The following USP7 variants were observed in gnomAD, a reference collection of about 807,000 sequenced individuals.
USP7 encodes ubiquitin C-terminal hydrolase 7.
In USP7, 9 loss-of-function variants were observed where a neutral mutation model predicts 162.9. The ratio of observed to expected loss-of-function variants is 0.06; its 90% CI spans 0.03 to 0.10. USP7 has a LOEUF of 0.10. Among genes scored for constraint, USP7 ranks in the 10% least tolerant of loss-of-function variants. The pLI, the probability that USP7 is intolerant of heterozygous loss-of-function variation, is 1.00. For missense variants in USP7, 715 were observed against 1,373.7 expected (o/e 0.52, Z 7.58); for synonymous variants, 562 against 475.9 (o/e 1.18, Z -2.35).
intron 2 of USP7, 80 bp from the exon 3 acceptor site, chr16:8,923,493 GT>G: frequency 7.0e-7 from 1 of 1,436,686 alleles, no homozygotes. Flanking sequence ...GGAGTAAACT[GT>G]TCTATACATC....
chr16:8,927,047 G>C (rs992058448), intron 2 of USP7, among the ~76,000 whole-genome samples: 1 of 152,210 alleles, frequency 6.6e-6, no homozygotes, highest in African/African-American at 2.4e-5. Flanking sequence ...GGGCGCAGTG[G>C]CTCACGCCTG....
chr16:8,954,783 A>AC (rs902180720), intron 1 of USP7, among the ~76,000 whole-genome samples: 3 of 151,058 alleles, frequency 2.0e-5, no homozygotes, highest in Admixed American at 6.6e-5. Flanking sequence ...CCATGGTAAA[A>AC]CCCCCCCTCT....
chr16:8,899,066 G>C (rs1424687258), intron 23 of USP7, 55 bp downstream of exon 23: 12 of 1,553,024 alleles, frequency 7.7e-6, no homozygotes, highest in Admixed American at 1.8e-5. Flanking sequence ...ATGTTTCAAT[G>C]AACTGTGGAA....
chr16:8,949,026 T>C (rs1899428735), intron 1 of USP7, among the ~76,000 whole-genome samples: 1 of 152,156 alleles, frequency 6.6e-6, no homozygotes, highest in Non-Finnish European at 1.5e-5. Context: ...CATAGATTAG[T>C]GGTGACTGCT....
At chr16:8,951,937 G>A (rs192030646) in intron 1 of USP7, among the ~76,000 whole-genome samples, 1 of 152,172 alleles carries the variant, frequency 6.6e-6, no homozygotes, top group Admixed American at 6.5e-5. Flanking sequence ...TTCAGGCAGT[G>A]GGCTACTTTC....
At chr16:8,920,581 C>T (rs1052065149) in intron 4 of USP7, 134 bp from the exon 5 acceptor site, 28 of 711,778 alleles carry the variant, frequency 3.9e-5, no homozygotes, top group Non-Finnish European at 5.6e-5. Flanking sequence ...AACTTTTTTG[C>T]TAATTTTAGA....
At chr16:8,932,543 G>A (rs1542541) in intron 1 of USP7, among the ~76,000 whole-genome samples, 109,008 of 152,104 alleles carry the variant, frequency 0.72, 41,359 homozygotes, top group East Asian at 0.94. Context: ...ACACAGGATG[G>A]AGAGAAGGAA....
chr16:8,958,159 G>A (rs1186375863), intron 1 of USP7, among the ~76,000 whole-genome samples: 1 of 152,192 alleles, frequency 6.6e-6, no homozygotes, highest in Admixed American at 6.5e-5. Flanking sequence ...TGTAGAAGAG[G>A]CACCCCAATG....
chr16:8,930,172 C>T (rs991222891), intron 2 of USP7, 121 bp downstream of exon 2: 2 of 690,300 alleles, frequency 2.9e-6, no homozygotes, highest in African/African-American at 3.7e-5. Context: ...TTACAGCCTC[C>T]TGAAAACTAG....
In USP7 at chr16:8,938,304, G is replaced by C. The variant is rs189313476; in HGVS notation, c.80-7907C>G. Among the ~76,000 whole-genome samples, 377 of 150,482 alleles carry C rather than the reference G, an allele frequency of 2.5e-3. 1 individual carries two copies. The highest frequency in any genetic ancestry group is 9.0e-3 in the African/African-American group (366 of 40,864). ...TTCTTGATTAAACTTTGAGATAACTGTAGATTCACACACAGTCTTAAGAAA... is the reference window on the plus strand; with the variant it reads ...TTCTTGATTAAACTTTGAGATAACTCTAGATTCACACACAGTCTTAAGAAA... On this transcript the variant is annotated intron_variant, in intron 1 of 30. Coordinates refer to ENST00000344836, the MANE Select transcript of USP7 (RefSeq NM_003470.3).
intron 5 of USP7, 89 bp downstream of exon 5, chr16:8,920,270 A>G: frequency 1.8e-6 from 2 of 1,108,722 alleles, no homozygotes; most frequent in Non-Finnish European, 2.6e-6. Context: ...CTGATTAAAT[A>G]TGTGCATCTC....
intron 21 of USP7, 25 bp downstream of exon 21, chr16:8,900,505 A>G (rs1405075199): frequency 1.3e-6 from 2 of 1,532,216 alleles, no homozygotes; most frequent in African/African-American, 1.4e-5. Context: ...GTACAAAGTG[A>G]TACAATCCTT....
In USP7 at chr16:8,905,256, C is replaced by T. The variant is rs761326339; in HGVS notation, c.1504G>A (p.Asp502Asn). The change falls in exon 14 of 31, where the codon GAT becomes AAT. Residue 502 changes from aspartate (D) to asparagine (N), a missense_variant. Asp to Asn is a conservative substitution (Grantham distance 23). Transcript: ENST00000344836. ...CAGTGTCGAACAGACAGGTCGTCAT[C>T]GTGACCCCCATAATTGTGCTCAATT... is the stretch of plus-strand genomic sequence containing the variant. ...EAIEHNYGGHDDDLSVRHCTN... is the reference protein window; with the variant it reads ...EAIEHNYGGHNDDLSVRHCTN... 2 of 1,614,182 alleles carry T rather than the reference C, an allele frequency of 1.2e-6. No individual in the cohort carries two copies. Among genetic ancestry groups the T allele is most frequent in the African/African-American group, 1.3e-5 (1 of 75,048 alleles).
chr16:8,924,309 T>A (rs867137507), intron 2 of USP7, among the ~76,000 whole-genome samples: 2 of 152,252 alleles, frequency 1.3e-5, no homozygotes, highest in Admixed American at 1.3e-4. Flanking sequence ...ACCAATACTT[T>A]TATAAAGCAT....
chr16:8,903,457 C>T, intron 15 of USP7, 55 bp from the exon 16 acceptor site: 1 of 1,566,428 alleles, frequency 6.4e-7, no homozygotes, highest in Admixed American at 1.9e-5. Flanking sequence ...AAAAATGAGT[C>T]CACACTGAAC....
At chr16:8,963,079 A>C in intron 1 of USP7, 128 bp downstream of exon 1, 2 of 813,204 alleles carry the variant, frequency 2.5e-6, no homozygotes, top group Non-Finnish European at 3.1e-6. Context: ...CCGGGAGGCC[A>C]GGCCGAGGCC....
At chr16:8,932,231 G>A (rs956374236) in intron 1 of USP7, among the ~76,000 whole-genome samples, 1 of 152,152 alleles carries the variant, frequency 6.6e-6, no homozygotes, top group African/African-American at 2.4e-5. Flanking sequence ...ATCAATTTCA[G>A]TCTTGATAGT....
At position 8,899,753 on chromosome 16, in the gene USP7, C is replaced by G; in HGVS notation, c.2314G>C (p.Asp772His). 1 of 1,614,186 alleles carries G rather than the reference C, an allele frequency of 6.2e-7. No individual in the cohort carries two copies. The highest frequency in any genetic ancestry group is 8.5e-7 in the Non-Finnish European group (1 of 1,180,024). Reference sequence around the variant, plus strand: ...AATTCACTGTTATCATTTTCAGGGTCATCCCTGGTGGAGGGAGAAAGTTTG... The same window carrying G: ...AATTCACTGTTATCATTTTCAGGGTGATCCCTGGTGGAGGGAGAAAGTTTG... ...DGDIIVFQKD[D>H]PENDNSELPT... The change falls in exon 22 of 31, where the codon GAC becomes CAC. Residue 772 changes from aspartate to histidine, a missense_variant. This residue lies in a region of USP7 where 222 missense variants were observed against 441.7 expected (regional missense o/e 0.50). Coordinates refer to ENST00000344836, the MANE Select transcript of USP7 (RefSeq NM_003470.3).
chr16:8,952,838 C>T (rs75445219), intron 1 of USP7, among the ~76,000 whole-genome samples: 3 of 145,342 alleles, frequency 2.1e-5, no homozygotes, highest in Admixed American at 6.9e-5. Flanking sequence ...ACCACACTCG[C>T]TTTTTTTTTT....
Sources: allele counts gnomAD v4.1 joint callset (sites outside exome capture counted in the v4.1 genomes callset), GRCh38; gene constraint gnomAD v4.1.1; regional missense constraint gnomAD v4.1.1; transcripts MANE v1.5; gene names NCBI Gene and HGNC (gene_info 2026-07-23, HGNC 2026-07-21).